The following OPA1 variants were observed in gnomAD, a reference collection of about 807,000 sequenced individuals.
The protein encoded by OPA1 is OPA1 mitochondrial dynamin like GTPase.
In OPA1, 59 loss-of-function variants were observed where a neutral mutation model predicts 152.9. That is an observed-to-expected ratio of 0.39 (90% confidence interval 0.31 to 0.48). The LOEUF is 0.48. Ranked by LOEUF, OPA1 falls within the 20% of genes least tolerant of loss-of-function variation. The pLI is 0.96. For synonymous variants in OPA1, 400 were observed against 389.9 expected (o/e 1.03, Z -0.31); for missense variants, 1,008 against 1,216.8 (o/e 0.83, Z 2.55).
chr3:193,599,961 G>A (rs565752407), intron 1 of OPA1, among the ~76,000 whole-genome samples: 8 of 152,168 alleles, frequency 5.3e-5, no homozygotes, highest in Admixed American at 2.6e-4. Context: ...TTATTTGAAC[G>A]CAGTTTGAAC....
At chr3:193,614,573 A>G (rs1485977786) in intron 1 of OPA1, 150 bp from the exon 2 acceptor site, 1 of 708,182 alleles carries the variant, frequency 1.4e-6, no homozygotes, top group Non-Finnish European at 2.6e-6. Flanking sequence ...TCTGGCACAT[A>G]GTCAATGGTT....
At chr3:193,640,945 A>G (rs100774) in intron 11 of OPA1, among the ~76,000 whole-genome samples, 27,827 of 152,114 alleles carry the variant, frequency 0.18, 3,050 homozygotes, top group South Asian at 0.4. Context: ...GGGTCTAGCT[A>G]TGGATTGAAT....
At chr3:193,607,888 C>T (rs968890870) in intron 1 of OPA1, among the ~76,000 whole-genome samples, 3 of 152,172 alleles carry the variant, frequency 2.0e-5, no homozygotes, top group Admixed American at 6.5e-5. Flanking sequence ...TCTTCCTACC[C>T]ATGAGCATGG....
intron 20 of OPA1, 144 bp downstream of exon 20, chr3:193,648,278 G>A (rs1711549112): frequency 1.6e-6 from 1 of 635,064 alleles, no homozygotes; most frequent in South Asian, 1.8e-5. Context: ...ACATCTCTAG[G>A]AGCAGTTATC....
chr3:193,685,119 G>A (rs1720757177), intron 29 of OPA1, among the ~76,000 whole-genome samples: 1 of 151,966 alleles, frequency 6.6e-6, no homozygotes, highest in Non-Finnish European at 1.5e-5. Context: ...AGCCAATATG[G>A]TGAAACCCCA....
chr3:193,614,807 C>A lies in OPA1; in HGVS notation c.117C>A (p.Ser39Arg), dbSNP rs1487489879. 1 of 1,606,238 alleles carries A rather than the reference C, an allele frequency of 6.2e-7. No individual in the cohort carries two copies. Among genetic ancestry groups the A allele is most frequent in the Non-Finnish European group, 8.5e-7 (1 of 1,172,972 alleles). The stretch of plus-strand genomic sequence containing the variant: ...AAAAACTACATCTGGTTTCACGAAG[C>A]ATTTATCATTCACATCATCCTACCT... The part of the protein sequence containing the change: ...PLQKLHLVSR[S>R]IYHSHHPTLK... The change falls in exon 2 of 31, where the codon AGC becomes AGA. Residue 39 changes from serine (S) to arginine (R), a missense_variant. Ser to Arg is a moderately radical substitution (Grantham distance 110). Around this residue, in one of 7 missense-constraint regions of OPA1, gnomAD observed 408 missense variants for 395.1 expected, o/e 1.03. Coordinates refer to ENST00000361510, the MANE Select transcript of OPA1 (RefSeq NM_130837.3).
chr3:193,677,541 T>C (rs541741037), intron 29 of OPA1, among the ~76,000 whole-genome samples: 31 of 152,288 alleles, frequency 2.0e-4, no homozygotes, highest in Admixed American at 1.8e-3. Context: ...TGCAACAGTA[T>C]ATAAAAAATA....
chr3:193,653,986 A>C (rs892545075), intron 21 of OPA1, among the ~76,000 whole-genome samples: 1 of 152,182 alleles, frequency 6.6e-6, no homozygotes, highest in African/African-American at 2.4e-5. Flanking sequence ...CATTTCAAAA[A>C]AAAATTAAAC....
intron 29 of OPA1, among the ~76,000 whole-genome samples, chr3:193,690,303 TC>T (rs756588445): frequency 0.031 from 1,445 of 47,126 alleles, 87 homozygotes; most frequent in African/African-American, 0.12. Flanking sequence ...ACAACTGGAC[TC>T]CCCCCCCACC....
chr3:193,691,084 G>C (rs1229959791), intron 29 of OPA1, among the ~76,000 whole-genome samples: 1 of 152,076 alleles, frequency 6.6e-6, no homozygotes, highest in East Asian at 1.9e-4. Flanking sequence ...AGCCAGGCGT[G>C]GTGGCACGTG....
At chr3:193,610,823 G>A (rs59436355) in intron 1 of OPA1, among the ~76,000 whole-genome samples, 1,541 of 152,334 alleles carry the variant, frequency 0.01, 19 homozygotes, top group African/African-American at 0.032. Context: ...ATGGGCATAG[G>A]ACCCGCTGAG....
chr3:193,603,320 G>T (rs745428079), intron 1 of OPA1, among the ~76,000 whole-genome samples: 1 of 152,192 alleles, frequency 6.6e-6, no homozygotes, highest in Non-Finnish European at 1.5e-5. Flanking sequence ...TATTAAATAG[G>T]TCATCGTAAG....
At chr3:193,596,560 T>A (rs559361224) in intron 1 of OPA1, among the ~76,000 whole-genome samples, 1 of 152,024 alleles carries the variant, frequency 6.6e-6, no homozygotes, top group South Asian at 2.1e-4. Context: ...TTTTTTATTT[T>A]TATTTTTCCT....
chr3:193,657,751 C>G (rs1714199389), intron 23 of OPA1, among the ~76,000 whole-genome samples: 1 of 152,076 alleles, frequency 6.6e-6, no homozygotes, highest in African/African-American at 2.4e-5. Context: ...GGATTCAAGC[C>G]CCTCTCTAAT....
chr3:193,615,445 C>G (rs542460831), intron 2 of OPA1, among the ~76,000 whole-genome samples: 23 of 152,280 alleles, frequency 1.5e-4, no homozygotes, highest in Admixed American at 8.5e-4. Context: ...ATTATGAAAC[C>G]TGTTTGAAAT....
chr3:193,641,621 A>G (rs762894718), intron 11 of OPA1, among the ~76,000 whole-genome samples: 1 of 152,226 alleles, frequency 6.6e-6, no homozygotes, highest in Non-Finnish European at 1.5e-5. Flanking sequence ...GCCCTGTGCT[A>G]CAAATCAGCA....
chr3:193,689,084 G>C (rs1721334277), intron 29 of OPA1: 1 of 152,142 alleles, frequency 6.6e-6, no homozygotes, highest in Admixed American at 6.5e-5. Context: ...ATACCTGCAA[G>C]GTTGTATGAG....
At chr3:193,605,864 G>A (rs1447179556) in intron 1 of OPA1, among the ~76,000 whole-genome samples, 3 of 152,164 alleles carry the variant, frequency 2.0e-5, no homozygotes, top group Non-Finnish European at 4.4e-5. Flanking sequence ...TCACAGAAAT[G>A]ACCTTTTTAC....
In OPA1 at chr3:193,593,289, G is replaced by A; in HGVS notation, c.-89G>A. The A allele has an allele frequency of 7.2e-7, 1 of 1,396,302 alleles. No homozygotes were observed. Among genetic ancestry groups the A allele is most frequent in the Non-Finnish European group, 9.6e-7 (1 of 1,039,158 alleles). 86.5% of individuals were successfully genotyped at this position (1,396,302 alleles called of 1,614,324 possible). ...CTTGCTGCTGAGGGCCACTTCCTGG[G>A]TCATTCCTGGACCGGGAGCCGGGCT... On this transcript the variant is annotated 5_prime_UTR_variant, in exon 1 of 31. Transcript: ENST00000361510.
Sources: gnomAD v4.1 joint callset for allele counts (sites outside exome capture counted in the v4.1 genomes callset) on GRCh38, gnomAD v4.1.1 for gene constraint, gnomAD v4.1.1 regional missense constraint, MANE v1.5 for transcripts, NCBI Gene and HGNC (gene_info 2026-07-23, HGNC 2026-07-21) for gene names.